The following UNC5D variants were observed in gnomAD, a reference collection of about 807,000 sequenced individuals.
The protein encoded by UNC5D is unc-5 netrin receptor D, also known as netrin receptor UNC5D.
In UNC5D, 39 loss-of-function variants were observed where a neutral mutation model predicts 105.4. The ratio of observed to expected loss-of-function variants is 0.37; its 90% CI spans 0.29 to 0.48. UNC5D has a LOEUF of 0.48. Among genes scored for constraint, UNC5D ranks in the 20% least tolerant of loss-of-function variants. UNC5D has a pLI of 0.98. For missense variants in UNC5D, 991 were observed against 1,202.4 expected, an observed-to-expected ratio of 0.82 and a Z score of 2.60; for synonymous variants, 452 against 450.4, an observed-to-expected ratio of 1.00 and a Z score of -0.04.
At chr8:35,465,655 G>C (rs186964601) in intron 1 of UNC5D, among the ~76,000 whole-genome samples, 1 of 152,228 alleles carries the variant, frequency 6.6e-6, no homozygotes, top group African/African-American at 2.4e-5. Context: ...TTCTTCCACT[G>C]TTATAAGCAG....
intron 1 of UNC5D, among the ~76,000 whole-genome samples, chr8:35,381,462 G>A (rs1406251512): frequency 6.6e-6 from 1 of 152,176 alleles, no homozygotes. Context: ...CCCTTACTCA[G>A]TGATTCTGCT....
intron 1 of UNC5D, among the ~76,000 whole-genome samples, chr8:35,413,292 T>TGTGTGTTGTG (rs56157732): frequency 0.054 from 6,866 of 127,920 alleles, 221 homozygotes; most frequent in Admixed American, 0.068. Context: ...TGTGTGTGTG[T>TGTGTGTTGTG]TGTGTGTGTG....
chr8:35,309,083 C>A (rs1411904925), intron 1 of UNC5D, among the ~76,000 whole-genome samples: 1 of 152,110 alleles, frequency 6.6e-6, no homozygotes, highest in Non-Finnish European at 1.5e-5. Flanking sequence ...GGCTGAGGGT[C>A]GATCCCTAAT....
intron 3 of UNC5D, among the ~76,000 whole-genome samples, chr8:35,593,601 A>T (rs1028078803): frequency 3.9e-5 from 6 of 152,084 alleles, no homozygotes; most frequent in Non-Finnish European, 8.8e-5. Flanking sequence ...TCTACAGAAA[A>T]TTTTTTAAAA....
chr8:35,471,540 C>A (rs1175874403), intron 1 of UNC5D, among the ~76,000 whole-genome samples: 1 of 152,004 alleles, frequency 6.6e-6, no homozygotes, highest in African/African-American at 2.4e-5. Flanking sequence ...CCCCAGTGGA[C>A]CTTAAAGAAA....
At chr8:35,574,467 CAAG>C (rs1311747396) in intron 3 of UNC5D, among the ~76,000 whole-genome samples, 2 of 152,050 alleles carry the variant, frequency 1.3e-5, no homozygotes, top group African/African-American at 4.8e-5. Context: ...GCAATTGTGC[CAAG>C]AAGGAGTAAA....
chr8:35,585,556 A>G (rs1343024201), intron 3 of UNC5D, among the ~76,000 whole-genome samples: 2 of 151,306 alleles, frequency 1.3e-5, no homozygotes, highest in African/African-American at 4.9e-5. Flanking sequence ...GTGTGTGTAT[A>G]TATGTACATA....
At chr8:35,287,779 G>A (rs1806716584) in intron 1 of UNC5D, among the ~76,000 whole-genome samples, 2 of 152,030 alleles carry the variant, frequency 1.3e-5, no homozygotes, top group Admixed American at 1.3e-4. Context: ...TGCACTCACT[G>A]GGTGACAGAG....
At chr8:35,608,985 T>C (rs1319032030) in intron 4 of UNC5D, among the ~76,000 whole-genome samples, 1 of 152,212 alleles carries the variant, frequency 6.6e-6, no homozygotes, top group Non-Finnish European at 1.5e-5. Context: ...ATATCCAAAC[T>C]ATTTTTCATA....
chr8:35,343,576 A>G (rs1261880842), intron 1 of UNC5D, among the ~76,000 whole-genome samples: 1 of 152,094 alleles, frequency 6.6e-6, no homozygotes, highest in Non-Finnish European at 1.5e-5. Context: ...TTATCTGGGA[A>G]ATGTTTCCCC....
intron 4 of UNC5D, among the ~76,000 whole-genome samples, chr8:35,651,134 C>A (rs896922366): frequency 3.3e-5 from 5 of 152,032 alleles, no homozygotes; most frequent in Non-Finnish European, 7.4e-5. Flanking sequence ...TAAAGACAGG[C>A]AATATTTATT....
intron 1 of UNC5D, among the ~76,000 whole-genome samples, chr8:35,372,339 G>T (rs557234708): frequency 6.6e-6 from 1 of 152,198 alleles, no homozygotes; most frequent in East Asian, 1.9e-4. Flanking sequence ...GCCCAGGTTG[G>T]TCTTGAACTC....
At chr8:35,544,239 C>CCTTA (rs1815480168) in intron 1 of UNC5D, among the ~76,000 whole-genome samples, 1 of 152,132 alleles carries the variant, frequency 6.6e-6, no homozygotes, top group Admixed American at 6.6e-5. Context: ...TTTCCACATT[C>CCTTA]CTTAGCCTAC....
chr8:35,726,688 A>C, intron 10 of UNC5D, 159 bp downstream of exon 10: 2 of 1,118,404 alleles, frequency 1.8e-6, no homozygotes, highest in Non-Finnish European at 2.5e-6. Flanking sequence ...ACAGCAAACC[A>C]GAACCAATGC....
At chr8:35,474,286 T>C (rs1809934901) in intron 1 of UNC5D, among the ~76,000 whole-genome samples, 1 of 152,256 alleles carries the variant, frequency 6.6e-6, no homozygotes, top group African/African-American at 2.4e-5. Context: ...TTTCTGATCC[T>C]TCATATATGC....
chr8:35,465,229 A>G (rs527616098), intron 1 of UNC5D, among the ~76,000 whole-genome samples: 1 of 152,298 alleles, frequency 6.6e-6, no homozygotes, highest in Admixed American at 6.5e-5. Context: ...TGTCTATGCA[A>G]AAAGTACAAA....
At chr8:35,378,289 A>G (rs1486381934) in intron 1 of UNC5D, among the ~76,000 whole-genome samples, 2 of 151,994 alleles carry the variant, frequency 1.3e-5, no homozygotes, top group African/African-American at 4.8e-5. Context: ...TTCTCTTATG[A>G]TTCATTTTTT....
chr8:35,677,890 C>CTG (rs35785055), intron 4 of UNC5D, among the ~76,000 whole-genome samples: 155 of 149,350 alleles, frequency 1.0e-3, no homozygotes, highest in African/African-American at 3.3e-3. Context: ...GTGTGAGTGT[C>CTG]TGTGTGTGTG....
chr8:35,244,601 T>C (rs1252531162), intron 1 of UNC5D, among the ~76,000 whole-genome samples: 1 of 152,030 alleles, frequency 6.6e-6, no homozygotes, highest in African/African-American at 2.4e-5. Flanking sequence ...TAGTATGGAG[T>C]AATTGATGTG....
Sources: allele counts gnomAD v4.1 joint callset (sites outside exome capture counted in the v4.1 genomes callset), GRCh38; gene constraint gnomAD v4.1.1; transcripts MANE v1.5; gene names NCBI Gene and HGNC (gene_info 2026-07-23, HGNC 2026-07-21).